The following ERBB4 variants were observed in gnomAD, a reference collection of about 807,000 sequenced individuals.
The protein encoded by ERBB4 is receptor tyrosine-protein kinase erbB-4.
In ERBB4, 42 loss-of-function variants were observed where a neutral mutation model predicts 158.0. The observed-to-expected ratio is 0.27, with a 90% confidence interval of 0.21 to 0.34. The LOEUF (loss-of-function observed/expected upper bound fraction) is 0.34. Ranked by LOEUF, ERBB4 falls within the 10% of genes least tolerant of loss-of-function variation. ERBB4 has a pLI of 1.00. For synonymous variants in ERBB4, 583 were observed against 558.7 expected (o/e 1.04, Z -0.61); for missense variants, 1,333 against 1,624.1 (o/e 0.82, Z 3.08).
intron 3 of ERBB4, among the ~76,000 whole-genome samples, chr2:211,912,789 A>C (rs2125058633): frequency 6.6e-6 from 1 of 152,276 alleles, no homozygotes; most frequent in Admixed American, 6.5e-5. Flanking sequence ...CTTTCTAGGC[A>C]TTTCTGAGAT....
At chr2:211,461,015 C>G (rs1284123588) in intron 20 of ERBB4, among the ~76,000 whole-genome samples, 2 of 151,816 alleles carry the variant, frequency 1.3e-5, no homozygotes, top group East Asian at 1.9e-4. Context: ...AATGCTTCAA[C>G]CTGGTATTAC....
rs1448845191 is a variant in ERBB4, at chr2:211,679,071, A to C, written c.1603T>G (p.Ser535Ala). ...RFSRGRICIESCNLYDGEFRE... is the reference protein window; with the variant it reads ...RFSRGRICIEACNLYDGEFRE... ...CCTTACCCATCATAGAGGTTACAAG[A>C]CTCTATGCAGATCCTTCCTCTACTG... is the stretch of plus-strand genomic sequence containing the variant. The change falls in exon 13 of 28, where the codon TCT becomes GCT. Residue 535 changes from serine to alanine, a missense_variant. Transcript: ENST00000342788. 6.2e-7 allele frequency: 1 copy of C among 1,613,422 alleles called. No individual in the cohort carries two copies. Among genetic ancestry groups the C allele is most frequent in the African/African-American group, 1.3e-5 (1 of 74,816 alleles).
chr2:212,250,044 G>T (rs2084474029), intron 1 of ERBB4, among the ~76,000 whole-genome samples: 1 of 151,912 alleles, frequency 6.6e-6, no homozygotes, highest in Non-Finnish European at 1.5e-5. Context: ...TTTAATCATT[G>T]AACCTAAATC....
At chr2:211,566,687 T>A (rs1399105837) in intron 19 of ERBB4, among the ~76,000 whole-genome samples, 2 of 152,156 alleles carry the variant, frequency 1.3e-5, no homozygotes, top group Non-Finnish European at 2.9e-5. Context: ...AACATGCACA[T>A]GTAAAAATAT....
chr2:211,479,429 T>C (rs1051423071), intron 20 of ERBB4, among the ~76,000 whole-genome samples: 11 of 152,188 alleles, frequency 7.2e-5, no homozygotes, highest in African/African-American at 2.7e-4. Flanking sequence ...GATAGCCCAC[T>C]ATTCATGTAG....
chr2:211,591,682 C>G (rs1173109873), intron 19 of ERBB4, among the ~76,000 whole-genome samples: 2 of 152,010 alleles, frequency 1.3e-5, no homozygotes, highest in Non-Finnish European at 2.9e-5. Flanking sequence ...GCTCTGCAGT[C>G]CTCAAAGCAA....
chr2:212,315,038 G>A (rs1033876228), intron 1 of ERBB4, among the ~76,000 whole-genome samples: 1 of 151,216 alleles, frequency 6.6e-6, no homozygotes, highest in African/African-American at 2.4e-5. Context: ...AGTCATGAGG[G>A]AACAGGAGCT....
chr2:211,615,254 G>A (rs908084316), intron 19 of ERBB4, among the ~76,000 whole-genome samples: 1 of 151,906 alleles, frequency 6.6e-6, no homozygotes, highest in African/African-American at 2.4e-5. Flanking sequence ...GATTTCATGA[G>A]ATAGTGGTGC....
intron 20 of ERBB4, among the ~76,000 whole-genome samples, chr2:211,436,786 TATTC>T (rs1443846844): frequency 6.6e-6 from 1 of 152,220 alleles, no homozygotes; most frequent in Admixed American, 6.5e-5. Context: ...GAATTATTAT[TATTC>T]AAAGTATTAT....
At chr2:211,811,418 C>A (rs1559539420) in intron 3 of ERBB4, among the ~76,000 whole-genome samples, 1 of 152,118 alleles carries the variant, frequency 6.6e-6, no homozygotes, top group Non-Finnish European at 1.5e-5. Context: ...TGTGGGTAAC[C>A]TGACCTTTCT....
intron 4 of ERBB4, among the ~76,000 whole-genome samples, chr2:211,763,622 T>A (rs912305353): frequency 8.5e-5 from 13 of 152,148 alleles, no homozygotes; most frequent in Non-Finnish European, 1.8e-4. Flanking sequence ...GCCATTAATC[T>A]TACAGCCTTC....
Position 211,701,580 on chromosome 2 carries a change from C to T in ERBB4, c.1489+387G>A, listed in dbSNP as rs75809217. On this transcript the variant is annotated intron_variant, in intron 12 of 27. Coordinates refer to ENST00000342788, the MANE Select transcript of ERBB4 (RefSeq NM_005235.3). ...GACCATCCTGGCTAACACAGCGAAA[C>T]CCCATCTCTACTAAAAATACCAAAA... 6.6e-5 allele frequency among the ~76,000 whole-genome samples: 10 copies of T among 151,982 alleles called. No homozygotes were observed. The East Asian group carries it at 1.4e-3, about 21-fold the overall frequency.
At chr2:211,652,400 C>T (rs2071025890) in intron 16 of ERBB4, among the ~76,000 whole-genome samples, 1 of 152,080 alleles carries the variant, frequency 6.6e-6, no homozygotes, top group Non-Finnish European at 1.5e-5. Flanking sequence ...GATCATAATA[C>T]AACTGCCACT....
chr2:211,535,164 T>C (rs1199973564), intron 20 of ERBB4, among the ~76,000 whole-genome samples: 2 of 152,056 alleles, frequency 1.3e-5, no homozygotes, highest in Non-Finnish European at 2.9e-5. Flanking sequence ...TTATAGTATG[T>C]GGCACCTTTT....
At chr2:212,463,367 T>C (rs939847973) in intron 1 of ERBB4, among the ~76,000 whole-genome samples, 2 of 152,116 alleles carry the variant, frequency 1.3e-5, no homozygotes, top group African/African-American at 4.8e-5. Flanking sequence ...TACTCCAGAA[T>C]ATGAACATTT....
intron 1 of ERBB4, among the ~76,000 whole-genome samples, chr2:212,326,031 G>A (rs2087812698): frequency 6.7e-6 from 1 of 150,362 alleles, no homozygotes; most frequent in Admixed American, 6.6e-5. Context: ...CAGAGCTGGA[G>A]GCCCAAACAG....
intron 1 of ERBB4, among the ~76,000 whole-genome samples, chr2:212,418,088 G>A (rs1385227186): frequency 2.0e-5 from 3 of 151,820 alleles, no homozygotes; most frequent in African/African-American, 7.3e-5. Context: ...TTAACATCTT[G>A]GTCTTGGACT....
At chr2:212,343,275 CT>C (rs2088811705) in intron 1 of ERBB4, among the ~76,000 whole-genome samples, 1 of 152,106 alleles carries the variant, frequency 6.6e-6, no homozygotes, top group South Asian at 2.1e-4. Flanking sequence ...CCACACACAC[CT>C]CCATATCATG....
chr2:211,563,471 A>C (rs1470379501), intron 19 of ERBB4, among the ~76,000 whole-genome samples: 1 of 152,210 alleles, frequency 6.6e-6, no homozygotes, highest in Non-Finnish European at 1.5e-5. Flanking sequence ...TGTCAATATT[A>C]GGAGAAACGT....
Sources: gnomAD v4.1 joint callset for allele counts (sites outside exome capture counted in the v4.1 genomes callset) on GRCh38, gnomAD v4.1.1 for gene constraint, MANE v1.5 for transcripts, NCBI Gene and HGNC (gene_info 2026-07-23, HGNC 2026-07-21) for gene names.